Variants in ANKRD36 observed in about 807,000 individuals in gnomAD.
The protein encoded by ANKRD36 is ankyrin repeat domain 36.
ANKRD36 carries 179 observed loss-of-function variants against 278.1 expected under a neutral mutation model. The observed-to-expected ratio is 0.64, with a 90% CI of 0.57 to 0.73. The LOEUF is 0.73. Among genes scored for constraint, ANKRD36 ranks in the 30% least tolerant of loss-of-function variants. The pLI, the probability that ANKRD36 is intolerant of heterozygous loss-of-function variation, is 0.00. For synonymous variants in ANKRD36, 320 were observed against 641.1 expected, an observed-to-expected ratio of 0.50 and a Z score of 7.57; for missense variants, 1,159 against 1,956.7, an observed-to-expected ratio of 0.59 and a Z score of 7.69.
At chr2:97,199,344 T>C (rs2060659144) in intron 44 of ANKRD36, among the ~76,000 whole-genome samples, 1 of 151,920 alleles carries the variant, frequency 6.6e-6, no homozygotes, top group African/African-American at 2.4e-5. Flanking sequence ...AGATACATGT[T>C]TTGTTGATTT....
At chr2:97,213,093 A>G (rs2065097937) in intron 58 of ANKRD36, 7 of 432,730 alleles carry the variant, frequency 1.6e-5, no homozygotes, top group South Asian at 5.1e-5. Flanking sequence ...TTGATTCTCA[A>G]TTGTATGAGT....
chr2:97,186,233 C>T (rs1015401153), intron 30 of ANKRD36, among the ~76,000 whole-genome samples: 5 of 151,384 alleles, frequency 3.3e-5, no homozygotes, highest in African/African-American at 1.2e-4. Flanking sequence ...ATTAGATAAA[C>T]TTGAATATCA....
intron 48 of ANKRD36, among the ~76,000 whole-genome samples, chr2:97,203,815 C>T (rs1427309625): frequency 1.4e-4 from 21 of 151,848 alleles, no homozygotes; most frequent in East Asian, 5.8e-4. Context: ...GATATTGACA[C>T]GGTTTTATTT....
At chr2:97,155,956 T>C (rs2047321690) in intron 15 of ANKRD36, among the ~76,000 whole-genome samples, 1 of 146,360 alleles carries the variant, frequency 6.8e-6, no homozygotes, top group African/African-American at 2.4e-5. Flanking sequence ...ATTAAATCTA[T>C]TAAATGTCTT....
At chr2:97,194,181 C>T (rs945941067) in intron 38 of ANKRD36, among the ~76,000 whole-genome samples, 1 of 151,584 alleles carries the variant, frequency 6.6e-6, no homozygotes, top group African/African-American at 2.4e-5. Flanking sequence ...TAGGTATCAG[C>T]AAACAGATAT....
chr2:97,200,813 G>A (rs190364099), intron 46 of ANKRD36, among the ~76,000 whole-genome samples: 7 of 152,018 alleles, frequency 4.6e-5, no homozygotes, highest in Non-Finnish European at 1.0e-4. Flanking sequence ...TAATTCTGTA[G>A]CATCTTTTCA....
chr2:97,261,300 T>A (rs867795437), intron 75 of ANKRD36, among the ~76,000 whole-genome samples: 1 of 129,092 alleles, frequency 7.7e-6, no homozygotes, highest in Non-Finnish European at 1.5e-5. Context: ...AAAGTACAAT[T>A]CATCTGGCAG....
At chr2:97,204,140 T>G (rs895561794) in intron 49 of ANKRD36, 44 bp downstream of exon 49, 1 of 1,571,896 alleles carries the variant, frequency 6.4e-7, no homozygotes, top group Non-Finnish European at 8.6e-7. Context: ...AAATGTATAG[T>G]CTACGAAACA....
chr2:97,153,327 T>C (rs2046580443), intron 14 of ANKRD36, among the ~76,000 whole-genome samples: 1 of 152,238 alleles, frequency 6.6e-6, no homozygotes, highest in South Asian at 2.1e-4. Flanking sequence ...TTGATTTCTT[T>C]TTACTTTCTT....
In ANKRD36 at chr2:97,217,452, T is replaced by G. The variant is rs1439220577; in HGVS notation, c.3775+80T>G. Reference sequence around the variant, plus strand: ...CCCACCCCTGAATAGATCAGCAGGGTGCTCATTGAAAATGCACTTTCTGAT... The same window carrying G: ...CCCACCCCTGAATAGATCAGCAGGGGGCTCATTGAAAATGCACTTTCTGAT... On this transcript the variant is annotated intron_variant, in intron 64 of 75. Transcript: ENST00000420699. 32 of 1,536,330 alleles carry G rather than the reference T, an allele frequency of 2.1e-5. No homozygotes were observed. The South Asian group carries it at 3.2e-4, about 16-fold the overall frequency.
At chr2:97,217,582 G>A (rs1231148481) in intron 64 of ANKRD36, among the ~76,000 whole-genome samples, 2 of 152,092 alleles carry the variant, frequency 1.3e-5, no homozygotes, top group Non-Finnish European at 2.9e-5. Flanking sequence ...TTCCCTACAT[G>A]GAAATTGTGT....
chr2:97,189,316 T>C, intron 34 of ANKRD36, 26 bp downstream of exon 34: 1 of 728,146 alleles, frequency 1.4e-6, no homozygotes, highest in African/African-American at 1.4e-5. Flanking sequence ...ACATTCAATG[T>C]CATGTTCAAT....
At chr2:97,135,384 G>C (rs2041228207) in intron 6 of ANKRD36, among the ~76,000 whole-genome samples, 1 of 151,876 alleles carries the variant, frequency 6.6e-6, no homozygotes, top group African/African-American at 2.4e-5. Flanking sequence ...GGCACAATAA[G>C]AGATTAATAA....
chr2:97,230,456 A>G (rs1327570341), intron 67 of ANKRD36, among the ~76,000 whole-genome samples: 1 of 152,108 alleles, frequency 6.6e-6, no homozygotes. Context: ...TGCACTCTTC[A>G]CGTAGTTCTC....
At chr2:97,150,587 T>C (rs1216480832) in intron 12 of ANKRD36, among the ~76,000 whole-genome samples, 19 of 149,616 alleles carry the variant, frequency 1.3e-4, no homozygotes, top group East Asian at 6.1e-4. Flanking sequence ...GAATTTATCT[T>C]TTTTTCTAAT....
chr2:97,209,425 A>G (rs1438667178), intron 54 of ANKRD36, among the ~76,000 whole-genome samples: 1 of 146,540 alleles, frequency 6.8e-6, no homozygotes, highest in Non-Finnish European at 1.5e-5. Flanking sequence ...ATTGAGATTG[A>G]CACGGTTTTA....
intron 68 of ANKRD36, among the ~76,000 whole-genome samples, chr2:97,240,982 G>GTTTTTTTTTTTTTTTTTTTTTTTTTT (rs763385352): frequency 1.9e-5 from 1 of 52,986 alleles, no homozygotes; most frequent in Non-Finnish European, 3.2e-5. Context: ...ACATAACTAT[G>GTTTTTTTTTTTTTTTTTTTTTTTTTT]TTTTTTTTTT....
chr2:97,133,359 C>T (rs2040665284), intron 6 of ANKRD36, among the ~76,000 whole-genome samples: 1 of 151,940 alleles, frequency 6.6e-6, no homozygotes, highest in South Asian at 2.1e-4. Context: ...TTTAACAGGT[C>T]TCTATACAGA....
At chr2:97,215,622 A>G in intron 62 of ANKRD36, 125 bp downstream of exon 62, 2 of 1,552,718 alleles carry the variant, frequency 1.3e-6, no homozygotes, top group Non-Finnish European at 8.7e-7. Context: ...GAGATTCTTC[A>G]TTTGTAATAA....
Sources: gnomAD v4.1 joint callset for allele counts (sites outside exome capture counted in the v4.1 genomes callset) on GRCh38, gnomAD v4.1.1 for gene constraint, MANE v1.5 for transcripts, NCBI Gene and HGNC (gene_info 2026-07-23, HGNC 2026-07-21) for gene names.